The following ZNF69 variants were observed in gnomAD, a reference collection of about 807,000 sequenced individuals.
The protein encoded by ZNF69 is ZNF3.
A neutral mutation model predicts 50.9 loss-of-function variants in ZNF69; 47 were observed. That is an observed-to-expected ratio of 0.92 (90% CI 0.73 to 1.18). The LOEUF (loss-of-function observed/expected upper bound fraction) is 1.18. Ranked by LOEUF, ZNF69 falls within the 50% of genes most tolerant of loss-of-function variation. ZNF69 has a pLI of 0.00. For missense variants in ZNF69, 717 were observed against 675.1 expected (o/e 1.06, Z -0.69); for synonymous variants, 216 against 223.1 (o/e 0.97, Z 0.29).
At chr19:11,965,141 CCT>C in the ZNF69 span, 1 of 1,610,664 alleles carries the variant, frequency 6.2e-7, no homozygotes, top group Non-Finnish European at 8.5e-7. Flanking sequence ...CGCTCTGTCT[CCT>C]GCGCTGTGCC....
the ZNF69 span, among the ~76,000 whole-genome samples, chr19:11,922,166 T>C: frequency 6.6e-6 from 1 of 152,192 alleles, no homozygotes; most frequent in Non-Finnish European, 1.5e-5. Flanking sequence ...GTTACTCTTT[T>C]GCAAGTCTTC....
chr19:11,965,038 T>C, the ZNF69 span: 1 of 763,784 alleles, frequency 1.3e-6, no homozygotes, highest in East Asian at 2.9e-5. Flanking sequence ...TGGGTCGCAT[T>C]CCTGTCCTCA....
At chr19:11,946,054 A>T in the ZNF69 span, among the ~76,000 whole-genome samples, 1 of 152,264 alleles carries the variant, frequency 6.6e-6, no homozygotes, top group African/African-American at 2.4e-5. Context: ...CCTGACTGTC[A>T]TCCTGACCAT....
At chr19:11,889,191 G>T (rs1045091855) in intron 1 of ZNF69, among the ~76,000 whole-genome samples, 3 of 152,148 alleles carry the variant, frequency 2.0e-5, no homozygotes. Flanking sequence ...TAGATTTTAT[G>T]AATTCTAAGG....
intron 1 of ZNF69, among the ~76,000 whole-genome samples, chr19:11,888,187 T>C (rs1189114871): frequency 1.3e-5 from 2 of 152,160 alleles, no homozygotes; most frequent in African/African-American, 4.8e-5. Context: ...TCCTGTCTCG[T>C]CTCTGCGCGG....
At chr19:11,935,200 G>T in the ZNF69 span, among the ~76,000 whole-genome samples, 2 of 135,822 alleles carry the variant, frequency 1.5e-5, no homozygotes. Context: ...AAAAATTACT[G>T]TCTTTGTGGG....
chr19:11,927,941 A>T, the ZNF69 span, among the ~76,000 whole-genome samples: 2 of 152,122 alleles, frequency 1.3e-5, no homozygotes, highest in African/African-American at 4.8e-5. Context: ...TATAGGCAAA[A>T]GGCAAATAAA....
chr19:11,932,318 T>C, the ZNF69 span, among the ~76,000 whole-genome samples: 1 of 147,754 alleles, frequency 6.8e-6, no homozygotes, highest in Admixed American at 6.6e-5. Context: ...CACTCCAGCC[T>C]GGGTAACAGA....
At chr19:11,976,273 C>A in the ZNF69 span, among the ~76,000 whole-genome samples, 2 of 151,426 alleles carry the variant, frequency 1.3e-5, no homozygotes, top group African/African-American at 2.4e-5. Context: ...TGCTACAGAC[C>A]CACAGTTCAA....
At chr19:11,913,393 C>CT (rs34363657) in intron 4 of ZNF69, 158,655 of 473,452 alleles carry the variant, frequency 0.34, 15,099 homozygotes, top group African/African-American at 0.62. Flanking sequence ...TTTTTCTTAT[C>CT]TTTTTTTTTT....
the ZNF69 span, among the ~76,000 whole-genome samples, chr19:11,934,187 T>G: frequency 1.4e-5 from 2 of 147,744 alleles, no homozygotes; most frequent in African/African-American, 5.3e-5. Flanking sequence ...CTATTTTTTT[T>G]TAAAAAAAGA....
At chr19:11,914,394 T>C (rs975816923), downstream of ZNF69, 3 of 152,198 alleles carry the variant, frequency 2.0e-5, no homozygotes, top group African/African-American at 7.2e-5. Context: ...GCCTTACTTA[T>C]TCTCTAAAGA....
chr19:11,899,352 C>A (rs1014172220), intron 1 of ZNF69, among the ~76,000 whole-genome samples: 1 of 152,160 alleles, frequency 6.6e-6, no homozygotes, highest in African/African-American at 2.4e-5. Context: ...GGGTCTCAAA[C>A]TCCCCAGCTC....
the ZNF69 span, among the ~76,000 whole-genome samples, chr19:11,970,192 A>G: frequency 1.3e-5 from 2 of 152,234 alleles, no homozygotes; most frequent in Admixed American, 1.3e-4. Flanking sequence ...TAATGAGGAA[A>G]AACAGAGATG....
chr19:11,902,329 C>T (rs555570799), intron 1 of ZNF69, among the ~76,000 whole-genome samples: 13 of 152,152 alleles, frequency 8.5e-5, no homozygotes, highest in Admixed American at 8.5e-4. Context: ...TATATATATG[C>T]TTACCACATT....
the ZNF69 span, among the ~76,000 whole-genome samples, chr19:11,920,956 A>T: frequency 1.3e-5 from 2 of 152,140 alleles, no homozygotes; most frequent in African/African-American, 4.8e-5. Context: ...AGCAGCTGTA[A>T]CATCCCAAGT....
chr19:11,949,644 A>C, the ZNF69 span: 1 of 1,613,782 alleles, frequency 6.2e-7, no homozygotes, highest in Non-Finnish European at 8.5e-7. Context: ...AATGCAACCA[A>C]TGTGGTAAAG....
chr19:11,942,909 T>TC, the ZNF69 span, among the ~76,000 whole-genome samples: 37 of 152,286 alleles, frequency 2.4e-4, 3 homozygotes, highest in African/African-American at 7.9e-4. Flanking sequence ...CCTTCCTTAT[T>TC]CCCCCCTTTG....
chr19:11,944,985 C>T, the ZNF69 span, among the ~76,000 whole-genome samples: 1 of 152,342 alleles, frequency 6.6e-6, no homozygotes, highest in South Asian at 2.1e-4. Flanking sequence ...ACCTGTCCTC[C>T]CTCTGCCTGG....
Sources: allele counts gnomAD v4.1 joint callset (sites outside exome capture counted in the v4.1 genomes callset), GRCh38; gene constraint gnomAD v4.1.1; transcripts MANE v1.5; gene names NCBI Gene and HGNC (gene_info 2026-07-23, HGNC 2026-07-21).